Variants in NSD1 observed in about 807,000 individuals in gnomAD.
NSD1 encodes nuclear receptor binding SET domain protein 1.
NSD1 carries 26 observed loss-of-function variants against 242.7 expected under a neutral mutation model. The observed-to-expected ratio is 0.11, with a 90% confidence interval of 0.08 to 0.15. The LOEUF is 0.15. Among genes scored for constraint, NSD1 ranks in the 10% least tolerant of loss-of-function variants. NSD1 has a pLI of 1.00. For missense variants in NSD1, 2,495 were observed against 3,272.8 expected (o/e 0.76, Z 5.80); for synonymous variants, 1,106 against 1,178.1 (o/e 0.94, Z 1.25).
At chr5:177,222,547 G>A (rs1333390723) in intron 5 of NSD1, among the ~76,000 whole-genome samples, 2 of 152,130 alleles carry the variant, frequency 1.3e-5, no homozygotes, top group Admixed American at 6.5e-5. Flanking sequence ...GTGTGGAGCA[G>A]TGGTATCTCA....
chr5:177,194,636 G>T (rs1441144388), intron 3 of NSD1, among the ~76,000 whole-genome samples: 2 of 141,318 alleles, frequency 1.4e-5, no homozygotes, highest in Non-Finnish European at 1.5e-5. Flanking sequence ...AGAATTCCTG[G>T]ATTTGATTTT....
At chr5:177,222,155 G>T (rs2149866075) in intron 5 of NSD1, among the ~76,000 whole-genome samples, 1 of 147,578 alleles carries the variant, frequency 6.8e-6, no homozygotes, top group African/African-American at 2.5e-5. Context: ...TTGAGATGTT[G>T]TCTCACTCTG....
chr5:177,193,977 A>G (rs111548062), intron 3 of NSD1, among the ~76,000 whole-genome samples: 2 of 151,980 alleles, frequency 1.3e-5, no homozygotes, highest in South Asian at 2.1e-4. Flanking sequence ...GGGTTTCACC[A>G]TGTTGGCCAG....
At chr5:177,248,563 C>T (rs984247967) in intron 11 of NSD1, among the ~76,000 whole-genome samples, 3 of 152,108 alleles carry the variant, frequency 2.0e-5, no homozygotes, top group South Asian at 4.2e-4. Context: ...ATATATGCCG[C>T]GAAACAAGTC....
intron 5 of NSD1, chr5:177,221,163 G>C (rs1764204472): frequency 3.3e-6 from 1 of 307,064 alleles, no homozygotes; most frequent in African/African-American, 2.3e-5. Flanking sequence ...GTGAGCCACT[G>C]TGGCCTGTAT....
At chr5:177,286,372 A>G (rs1363893480) in intron 20 of NSD1, among the ~76,000 whole-genome samples, 1 of 152,200 alleles carries the variant, frequency 6.6e-6, no homozygotes, top group Non-Finnish European at 1.5e-5. Flanking sequence ...ATCACTGTGC[A>G]CTGCACTCTG....
chr5:177,195,033 C>T (rs1761998380), intron 3 of NSD1, among the ~76,000 whole-genome samples: 1 of 152,034 alleles, frequency 6.6e-6, no homozygotes, highest in Non-Finnish European at 1.5e-5. Context: ...TTGGCATGCT[C>T]CTACAATCCC....
intron 2 of NSD1, among the ~76,000 whole-genome samples, chr5:177,167,023 G>T (rs1009206099): frequency 3.5e-4 from 53 of 151,802 alleles, no homozygotes; most frequent in African/African-American, 1.0e-3. Context: ...TGGGATTACA[G>T]GTGTGAGCTA....
rs754056396 is a variant in NSD1 at position 177,210,829 on chromosome 5, C to T, written c.2430C>T (p.Cys810=). The change falls in exon 5 of 23, where the codon TGC becomes TGT. Residue 810 remains cysteine, a synonymous_variant. Coordinates refer to ENST00000439151, the MANE Select transcript of NSD1 (RefSeq NM_022455.5). ...MAEPPVINEE[C]SLKCCSSDTK... ...AACCCCCAGTTATAAATGAGGAGTGCAGTTTGAAATGCTGCTCTTCTGATA... is the reference window on the plus strand; with the variant it reads ...AACCCCCAGTTATAAATGAGGAGTGTAGTTTGAAATGCTGCTCTTCTGATA... The T allele has an allele frequency of 9.3e-6, 15 of 1,614,158 alleles. No homozygotes were observed. Among genetic ancestry groups the T allele is most frequent in the Non-Finnish European group, 1.3e-5 (15 of 1,180,028 alleles).
intron 8 of NSD1, 136 bp from the exon 9 acceptor site, chr5:177,244,059 A>G (rs1766093438): frequency 1.4e-6 from 1 of 700,124 alleles, no homozygotes; most frequent in Non-Finnish European, 2.6e-6. Flanking sequence ...TACTGTGGTC[A>G]GGTTGATTTC....
At chr5:177,288,471 C>T (rs1759513597) in intron 20 of NSD1, 1 of 305,538 alleles carries the variant, frequency 3.3e-6, no homozygotes, top group Non-Finnish European at 6.3e-6. Flanking sequence ...ACTTGTATTC[C>T]CAGGGCCTGA....
At chr5:177,234,762 G>A (rs1056708153) in intron 5 of NSD1, among the ~76,000 whole-genome samples, 8 of 151,890 alleles carry the variant, frequency 5.3e-5, no homozygotes, top group Non-Finnish European at 7.4e-5. Flanking sequence ...GACAATACTC[G>A]TTGTTAATGA....
At chr5:177,199,093 A>G (rs1262193076) in intron 3 of NSD1, among the ~76,000 whole-genome samples, 1 of 152,222 alleles carries the variant, frequency 6.6e-6, no homozygotes, top group Non-Finnish European at 1.5e-5. Flanking sequence ...TACCTGTAGA[A>G]CCATTCTGTT....
At chr5:177,200,122 A>G (rs956395166) in intron 3 of NSD1, among the ~76,000 whole-genome samples, 2 of 151,844 alleles carry the variant, frequency 1.3e-5, no homozygotes, top group African/African-American at 4.8e-5. Flanking sequence ...TTGTTGAGAT[A>G]GAGTCCTGCT....
Position 177,269,763 on chromosome 5 carries a change from G to A in NSD1, c.5465G>A (p.Ser1822Asn), listed in dbSNP as rs777764214. Reference protein sequence around the residue: ...VFPYMEGDVSSKDKMGKGVDG... With the variant: ...VFPYMEGDVSNKDKMGKGVDG... ...CCTTACATGGAGGGTGACGTGAGCA[G>A]CAAGGATAAGATGGGCAAAGGAGTG... The change falls in exon 16 of 23, where the codon AGC (serine) becomes AAC (asparagine). Residue 1822 changes from serine (S) to asparagine (N), a missense_variant. By Grantham distance (46) the Ser-to-Asn change is conservative. This residue lies in a region of NSD1 where 114 missense variants were observed against 247.4 expected (regional missense o/e 0.46). Coordinates refer to ENST00000439151, the MANE Select transcript of NSD1 (RefSeq NM_022455.5). The surrounding 1 kb of genome is among the most constrained non-coding windows in gnomAD (Gnocchi z 5.1). 5 of 1,614,104 alleles carry A rather than the reference G, an allele frequency of 3.1e-6. No homozygotes were observed. Among genetic ancestry groups the A allele is most frequent in the Non-Finnish European group, 4.2e-6 (5 of 1,180,008 alleles).
intron 6 of NSD1, among the ~76,000 whole-genome samples, chr5:177,237,829 A>C (rs1034687699): frequency 2.0e-5 from 3 of 152,132 alleles, no homozygotes; most frequent in African/African-American, 7.2e-5. Flanking sequence ...CACCACGCCC[A>C]GCCTATTTTA....
rs376673036 is a variant in NSD1, at chr5:177,248,575, G to C, written c.4641+251G>C. 5.3e-5 allele frequency among the ~76,000 whole-genome samples: 8 copies of C among 152,178 alleles called. No homozygotes were observed. In the East Asian group the frequency reaches 7.7e-4, roughly 15 times the overall value. On this transcript the variant is annotated intron_variant, in intron 11 of 22. Coordinates refer to ENST00000439151, the MANE Select transcript of NSD1 (RefSeq NM_022455.5). ...GGAATATATGCCGCGAAACAAGTCTGAGATGGAATATGTGAATCTCTGGTT... is the reference window on the plus strand; with the variant it reads ...GGAATATATGCCGCGAAACAAGTCTCAGATGGAATATGTGAATCTCTGGTT...
intron 17 of NSD1, among the ~76,000 whole-genome samples, chr5:177,279,234 C>A (rs189328963): frequency 7.6e-4 from 115 of 152,312 alleles, no homozygotes; most frequent in African/African-American, 2.6e-3. Flanking sequence ...ATAATCCCAG[C>A]ACTTTCAGAG....
chr5:177,168,943 G>C (rs115536144), intron 2 of NSD1, among the ~76,000 whole-genome samples: 8 of 152,158 alleles, frequency 5.3e-5, no homozygotes, highest in Non-Finnish European at 2.9e-5. Flanking sequence ...GCAAAACTTC[G>C]TAGCCTAATT....
Sources: allele counts gnomAD v4.1 joint callset (sites outside exome capture counted in the v4.1 genomes callset), GRCh38; gene constraint gnomAD v4.1.1; regional missense constraint gnomAD v4.1.1; non-coding constraint Gnocchi (gnomAD v3.1); transcripts MANE v1.5; gene names NCBI Gene and HGNC (gene_info 2026-07-23, HGNC 2026-07-21).